Variants in SEPTIN11 observed in about 807,000 individuals in gnomAD.
SEPTIN11 encodes septin 11.
In SEPTIN11, 25 loss-of-function variants were observed where a neutral mutation model predicts 51.4. The observed-to-expected ratio is 0.49, with a 90% CI of 0.35 to 0.68. SEPTIN11 has a LOEUF of 0.68. SEPTIN11 is among the 30% of genes least tolerant of loss of function. The pLI is 0.00. For synonymous variants in SEPTIN11, 174 were observed against 184.1 expected (o/e 0.95, Z 0.44); for missense variants, 381 against 520.8 (o/e 0.73, Z 2.61).
intron 1 of SEPTIN11, among the ~76,000 whole-genome samples, chr4:76,953,685 T>A (rs1721443637): frequency 6.6e-6 from 1 of 152,214 alleles, no homozygotes; most frequent in South Asian, 2.1e-4. Context: ...GTCAGTGATA[T>A]AAATTATACA....
At position 77,030,881 on chromosome 4, in the gene SEPTIN11, C is replaced by T. The variant is rs1013804811; in HGVS notation, c.1185C>T (p.Phe395=). The change falls in exon 9 of 10, where the codon TTC becomes TTT. Residue 395 remains phenylalanine, a synonymous_variant. Transcript: ENST00000264893. ...KKELEEEVNN[F]QKKKAAAQLL... ...AGCTTGAGGAGGAGGTGAACAACTT[C>T]CAGAAGAAGAAAGCAGCGGCTCAGT... The T allele has an allele frequency of 5.6e-6, 9 of 1,613,768 alleles. No homozygotes were observed. The highest frequency in any genetic ancestry group is 7.6e-6 in the Non-Finnish European group (9 of 1,179,950).
intron 1 of SEPTIN11, among the ~76,000 whole-genome samples, chr4:76,956,614 A>T (rs1335967211): frequency 6.6e-6 from 1 of 152,196 alleles, no homozygotes; most frequent in Non-Finnish European, 1.5e-5. Flanking sequence ...GTGGCAGAGG[A>T]CAAAGAGACA....
At chr4:77,004,172 C>A (rs1724320701) in intron 2 of SEPTIN11, among the ~76,000 whole-genome samples, 1 of 152,128 alleles carries the variant, frequency 6.6e-6, no homozygotes. Context: ...GGCTGCAGTT[C>A]TTCATAGCCC....
At chr4:77,039,170 G>A, downstream of SEPTIN11, 1 of 1,273,790 alleles carries the variant, frequency 7.9e-7, no homozygotes, top group Admixed American at 2.5e-5. Flanking sequence ...CACGTGTTGG[G>A]GAAGAGTTAC....
intron 8 of SEPTIN11, among the ~76,000 whole-genome samples, 194 bp from the exon 9 acceptor site, chr4:77,030,589 G>A (rs550260269): frequency 1.4e-4 from 22 of 152,084 alleles, no homozygotes. Flanking sequence ...TAGAGATGGG[G>A]TTTCACCATC....
Position 76,990,128 on chromosome 4 carries a change from T to C in SEPTIN11, c.28-6297T>C, listed in dbSNP as rs746984235. ...TGTCCCTGCCATGTTCTGTTTCTGT[T>C]GTATCAGAGTGCCCTTTTTTCAATC... On this transcript the variant is annotated intron_variant, in intron 1 of 9. Coordinates refer to ENST00000264893, the MANE Select transcript of SEPTIN11 (RefSeq NM_018243.4). 7.9e-5 allele frequency among the ~76,000 whole-genome samples: 12 copies of C among 152,168 alleles called. 1 individual carries two copies. The highest frequency in any genetic ancestry group is 1.5e-4 in the Non-Finnish European group (10 of 68,030).
intron 5 of SEPTIN11, among the ~76,000 whole-genome samples, chr4:77,018,495 G>A (rs1320725420): frequency 6.6e-6 from 1 of 151,828 alleles, no homozygotes; most frequent in Non-Finnish European, 1.5e-5. Context: ...GAGATCCAGT[G>A]TATATTTTAC....
At chr4:76,951,605 T>G (rs72858625) in intron 1 of SEPTIN11, among the ~76,000 whole-genome samples, 2,081 of 152,316 alleles carry the variant, frequency 0.014, 61 homozygotes, top group African/African-American at 0.046. Context: ...AATATCTGCT[T>G]TAGATAAATT....
intron 1 of SEPTIN11, among the ~76,000 whole-genome samples, chr4:76,961,221 TA>T (rs763265282): frequency 1.3e-5 from 2 of 152,220 alleles, no homozygotes; most frequent in Non-Finnish European, 2.9e-5. Context: ...TTTTATAATG[TA>T]ATTCGAGGAC....
chr4:76,990,051 C>A (rs983486122), intron 1 of SEPTIN11, among the ~76,000 whole-genome samples: 2 of 152,084 alleles, frequency 1.3e-5, no homozygotes, highest in Non-Finnish European at 2.9e-5. Context: ...TGGAAGGGGA[C>A]CTGAGCGGGT....
At chr4:77,007,047 G>A (rs1423159758) in intron 3 of SEPTIN11, among the ~76,000 whole-genome samples, 1 of 152,140 alleles carries the variant, frequency 6.6e-6, no homozygotes, top group Non-Finnish European at 1.5e-5. Flanking sequence ...CTGGGGCAGG[G>A]AACAAGTTCA....
At chr4:76,971,875 A>C (rs1053652132) in intron 1 of SEPTIN11, among the ~76,000 whole-genome samples, 1 of 152,230 alleles carries the variant, frequency 6.6e-6, no homozygotes, top group African/African-American at 2.4e-5. Flanking sequence ...AATGGTTGTC[A>C]CAGCTGCCCC....
intron 7 of SEPTIN11, chr4:77,020,960 T>A (rs551596203): frequency 3.4e-6 from 1 of 293,510 alleles, no homozygotes; most frequent in South Asian, 6.2e-5. Flanking sequence ...TGGTGTGGTG[T>A]TGAGCTCTTG....
At chr4:77,033,236 C>T (rs1726795417) in intron 9 of SEPTIN11, among the ~76,000 whole-genome samples, 2 of 152,042 alleles carry the variant, frequency 1.3e-5, no homozygotes, top group South Asian at 4.1e-4. Flanking sequence ...AGACAGTGGC[C>T]AGGCTAGACA....
intron 3 of SEPTIN11, among the ~76,000 whole-genome samples, chr4:77,011,231 C>A (rs925976900): frequency 6.6e-6 from 1 of 152,118 alleles, no homozygotes; most frequent in Non-Finnish European, 1.5e-5. Context: ...TGAAACCACA[C>A]ACCAGTTTCA....
chr4:76,999,625 G>C (rs775401183), intron 2 of SEPTIN11, among the ~76,000 whole-genome samples: 4 of 152,152 alleles, frequency 2.6e-5, no homozygotes, highest in Admixed American at 2.6e-4. Flanking sequence ...GTTTTGTGGC[G>C]TGAACCTGTA....
chr4:77,002,095 G>T (rs1401695088), intron 2 of SEPTIN11, among the ~76,000 whole-genome samples: 1 of 152,166 alleles, frequency 6.6e-6, no homozygotes, highest in African/African-American at 2.4e-5. Flanking sequence ...TGGAGTTGCC[G>T]TGTCTAATTA....
At chr4:77,011,586 G>A in intron 3 of SEPTIN11, 149 bp from the exon 4 acceptor site, 1 of 647,650 alleles carries the variant, frequency 1.5e-6, no homozygotes, top group South Asian at 1.9e-5. Context: ...CTGGAGCGCT[G>A]TTCAGGGATC....
At chr4:76,997,739 G>A (rs1415811375) in intron 2 of SEPTIN11, among the ~76,000 whole-genome samples, 1 of 152,192 alleles carries the variant, frequency 6.6e-6, no homozygotes, top group African/African-American at 2.4e-5. Context: ...GGCGTGAATG[G>A]GTTGTCCTTT....
Sources: gnomAD v4.1 joint callset for allele counts (sites outside exome capture counted in the v4.1 genomes callset) on GRCh38, gnomAD v4.1.1 for gene constraint, MANE v1.5 for transcripts, NCBI Gene and HGNC (gene_info 2026-07-23, HGNC 2026-07-21) for gene names.